DEPTOR: variants seen among roughly 807,000 people sequenced by gnomAD.
DEPTOR encodes DEP domain containing MTOR interacting protein.
A neutral mutation model predicts 41.6 loss-of-function variants in DEPTOR; 41 were observed. That is an observed-to-expected ratio of 0.98 (90% CI 0.77 to 1.28). The LOEUF is 1.28. DEPTOR is among the 50% of genes most tolerant of loss of function. The pLI, the probability that DEPTOR is intolerant of heterozygous loss-of-function variation, is 0.00. For synonymous variants in DEPTOR, 195 were observed against 192.3 expected (o/e 1.01, Z -0.12); for missense variants, 514 against 527.9 (o/e 0.97, Z 0.26).
chr8:119,939,597 C>T (rs1166748952), intron 3 of DEPTOR, among the ~76,000 whole-genome samples: 4 of 152,132 alleles, frequency 2.6e-5, no homozygotes, highest in African/African-American at 9.7e-5. Context: ...AAGTGATTCT[C>T]TTGCCTCAGC....
chr8:119,890,172 C>T (rs1051032782), intron 1 of DEPTOR, among the ~76,000 whole-genome samples: 4 of 152,212 alleles, frequency 2.6e-5, no homozygotes, highest in African/African-American at 9.7e-5. Flanking sequence ...CCAGGCTGAT[C>T]TTGAACTCCT....
At chr8:119,933,140 T>C (rs570794703) in intron 3 of DEPTOR, among the ~76,000 whole-genome samples, 1 of 152,210 alleles carries the variant, frequency 6.6e-6, no homozygotes, top group South Asian at 2.1e-4. Flanking sequence ...AGAGGACTCA[T>C]GCCGCTCTCA....
At chr8:120,000,725 A>T (rs1812333542) in intron 4 of DEPTOR, among the ~76,000 whole-genome samples, 1 of 151,930 alleles carries the variant, frequency 6.6e-6, no homozygotes, top group Non-Finnish European at 1.5e-5. Context: ...GGCTTCCCAA[A>T]GTGCTGGGAT....
chr8:119,951,588 T>C (rs1466438063), intron 3 of DEPTOR, among the ~76,000 whole-genome samples: 1 of 152,256 alleles, frequency 6.6e-6, no homozygotes, highest in Non-Finnish European at 1.5e-5. Flanking sequence ...AGTTCTCATC[T>C]TTCTTTCAGC....
chr8:119,979,111 G>C (rs2130012794), intron 4 of DEPTOR, among the ~76,000 whole-genome samples: 1 of 152,244 alleles, frequency 6.6e-6, no homozygotes, highest in East Asian at 1.9e-4. Context: ...ATTTAAGAAG[G>C]AATCTCACTT....
chr8:119,950,316 C>G (rs1035257733), intron 3 of DEPTOR, among the ~76,000 whole-genome samples: 2 of 152,174 alleles, frequency 1.3e-5, no homozygotes, highest in Admixed American at 6.5e-5. Flanking sequence ...GACAGAGAAG[C>G]CCTGCTATCA....
At chr8:119,992,404 G>T (rs550352699) in intron 4 of DEPTOR, among the ~76,000 whole-genome samples, 1 of 152,230 alleles carries the variant, frequency 6.6e-6, no homozygotes, top group South Asian at 2.1e-4. Flanking sequence ...TTCCCTCTCT[G>T]TTTAAGTCTG....
At chr8:119,949,206 G>A (rs1193345720) in intron 3 of DEPTOR, among the ~76,000 whole-genome samples, 1 of 152,306 alleles carries the variant, frequency 6.6e-6, no homozygotes, top group South Asian at 2.1e-4. Context: ...GCTTGTTTCA[G>A]TACTTCACTT....
chr8:119,933,465 C>G (rs1334404125), intron 3 of DEPTOR, among the ~76,000 whole-genome samples: 4 of 144,704 alleles, frequency 2.8e-5, no homozygotes, highest in African/African-American at 1.1e-4. Context: ...CACACACACA[C>G]ACACACACAC....
chr8:120,027,946 G>A (rs186760274), intron 8 of DEPTOR, among the ~76,000 whole-genome samples: 79 of 152,082 alleles, frequency 5.2e-4, no homozygotes, highest in African/African-American at 1.9e-3. Flanking sequence ...ACATCAGCAC[G>A]GTTTGGAAAC....
At chr8:119,988,779 G>A (rs936171120) in intron 4 of DEPTOR, among the ~76,000 whole-genome samples, 5 of 152,022 alleles carry the variant, frequency 3.3e-5, no homozygotes, top group East Asian at 1.9e-4. Context: ...CACCGTGTCC[G>A]GCCTACTAGG....
chr8:120,003,408 T>C (rs114030145), intron 6 of DEPTOR, among the ~76,000 whole-genome samples: 2 of 152,282 alleles, frequency 1.3e-5, no homozygotes, highest in African/African-American at 2.4e-5. Flanking sequence ...GATCCACATG[T>C]TGGCCACTTA....
At chr8:120,000,846 G>A (rs1032720305) in intron 4 of DEPTOR, among the ~76,000 whole-genome samples, 14 of 151,896 alleles carry the variant, frequency 9.2e-5, no homozygotes, top group Middle Eastern at 3.2e-3. Context: ...GGGAGGCTGA[G>A]GAGAGTGGAT....
At chr8:119,988,960 T>A (rs1371343754) in intron 4 of DEPTOR, among the ~76,000 whole-genome samples, 3 of 79,532 alleles carry the variant, frequency 3.8e-5, no homozygotes, top group African/African-American at 1.1e-4. Flanking sequence ...TTTTTTTTCT[T>A]TTTTTTTTTT....
chr8:120,016,606 AT>A (rs1020195678), intron 8 of DEPTOR, among the ~76,000 whole-genome samples: 99 of 143,642 alleles, frequency 6.9e-4, no homozygotes, highest in Admixed American at 7.0e-4. Context: ...TGGCCATGGA[AT>A]TTTTTTTTTT....
chr8:119,967,349 G>C (rs1245912184), intron 4 of DEPTOR, among the ~76,000 whole-genome samples: 2 of 151,576 alleles, frequency 1.3e-5, no homozygotes, highest in African/African-American at 2.4e-5. Flanking sequence ...CAAAGTGCTG[G>C]GATTACAAGT....
intron 3 of DEPTOR, among the ~76,000 whole-genome samples, chr8:119,937,499 C>T (rs1828128937): frequency 6.6e-6 from 1 of 152,184 alleles, no homozygotes; most frequent in East Asian, 1.9e-4. Flanking sequence ...ATGTTCCCGG[C>T]CTTCTTGGTT....
intron 4 of DEPTOR, among the ~76,000 whole-genome samples, chr8:120,001,202 G>A (rs914086244): frequency 6.6e-6 from 1 of 152,110 alleles, no homozygotes; most frequent in Non-Finnish European, 1.5e-5. Context: ...GAAAGAGAAG[G>A]GGCAGACAGT....
chr8:119,937,535 A>G (rs1828130219), intron 3 of DEPTOR, among the ~76,000 whole-genome samples: 1 of 152,194 alleles, frequency 6.6e-6, no homozygotes, highest in African/African-American at 2.4e-5. Context: ...CTAAGATTGC[A>G]ATGTGAGTGG....
Sources: gnomAD v4.1 joint callset for allele counts (sites outside exome capture counted in the v4.1 genomes callset) on GRCh38, gnomAD v4.1.1 for gene constraint, MANE v1.5 for transcripts, NCBI Gene and HGNC (gene_info 2026-07-23, HGNC 2026-07-21) for gene names.